HYKK: variants seen among roughly 807,000 people sequenced by gnomAD.
HYKK encodes the protein hydroxylysine kinase, also known as 5-hydroxy-L-lysine kinase.
HYKK carries 19 observed loss-of-function variants against 29.7 expected under a neutral mutation model. That is an observed-to-expected ratio of 0.64 (90% CI 0.45 to 0.94). The LOEUF (loss-of-function observed/expected upper bound fraction) is 0.94, where lower values mean the gene tolerates loss of function less well. Ranked by LOEUF, HYKK falls within the 40% of genes least tolerant of loss-of-function variation. The probability of loss-of-function intolerance (pLI) is 0.00; values close to 1 mark genes in which losing one functional copy is unlikely to be tolerated. For synonymous variants in HYKK, 152 were observed against 158.1 expected, an observed-to-expected ratio of 0.96 and a Z score of 0.29; for missense variants, 390 against 443.4, an observed-to-expected ratio of 0.88 and a Z score of 1.08.
chr15:78,524,461 C>T (rs892826119), intron 3 of HYKK, among the ~76,000 whole-genome samples: 2 of 152,226 alleles, frequency 1.3e-5, no homozygotes, highest in Non-Finnish European at 2.9e-5. Flanking sequence ...CCATCTTGTC[C>T]TCCTAACCCT....
At chr15:78,523,180 C>T (rs1017150716) in intron 3 of HYKK, among the ~76,000 whole-genome samples, 2 of 152,176 alleles carry the variant, frequency 1.3e-5, no homozygotes, top group East Asian at 1.9e-4. Flanking sequence ...GTTTAATTGG[C>T]GCATGCTTCT....
In HYKK at chr15:78,527,571, T is replaced by A; in HGVS notation, c.661+8T>A. On this transcript the variant is annotated splice_region_variant and intron_variant, in intron 4 of 4. Coordinates refer to ENST00000388988, the MANE Select transcript of HYKK (RefSeq NM_001013619.4). The stretch of plus-strand genomic sequence containing the variant: ...TAAGTCATTTTCGAGAATGTGAGTA[T>A]TCTCCCAATTAAGTATTTTTCTTGA... 1 of 1,612,180 alleles carries A rather than the reference T, an allele frequency of 6.2e-7. No individual in the cohort carries two copies. The highest frequency in any genetic ancestry group is 8.5e-7 in the Non-Finnish European group (1 of 1,178,460).
chr15:78,523,150 G>T (rs1258400668), intron 3 of HYKK, among the ~76,000 whole-genome samples: 1 of 152,172 alleles, frequency 6.6e-6, no homozygotes, highest in Non-Finnish European at 1.5e-5. Context: ...CTGAGACTGG[G>T]TAATCTATAA....
Position 78,533,888 on chromosome 15 carries a change from TGTGA to T in HYKK, c.*221_*224del. The T allele has an allele frequency of 3.5e-6, 2 of 563,950 alleles. No homozygotes were observed. Among genetic ancestry groups the T allele is most frequent in the Non-Finnish European group, 6.3e-6 (2 of 319,956 alleles). 34.9% of individuals were successfully genotyped at this position (563,950 alleles called of 1,614,324 possible). A position where few individuals can be genotyped will look rare whatever the true frequency, so the allele number is the denominator to read the frequency against. ...AGTACCACAAGCAAGCATATTTTTC[TGTGA>T]GTCTTACTTGCCATATCTATAAAAC... On this transcript the variant is annotated 3_prime_UTR_variant, in exon 5 of 5. Coordinates refer to ENST00000388988, the MANE Select transcript of HYKK (RefSeq NM_001013619.4).
At chr15:78,518,427 G>A (rs1200379582) in intron 3 of HYKK, among the ~76,000 whole-genome samples, 2 of 152,016 alleles carry the variant, frequency 1.3e-5, no homozygotes, top group East Asian at 3.9e-4. Context: ...CACCCACCTT[G>A]GCTTCCCAAA....
chr15:78,527,516 A>G lies in HYKK; in HGVS notation c.614A>G (p.His205Arg), dbSNP rs772863514. 1.1e-5 allele frequency: 18 copies of G among 1,614,170 alleles called. No individual in the cohort carries two copies. The highest frequency in any genetic ancestry group is 2.2e-5 in the East Asian group (1 of 44,882). The part of the protein sequence containing the change: ...RNREIVEHVI[H>R]LFKEEVMTKL... ...CGAGAGATTGTTGAGCATGTCATTC[A>G]TCTGTTCAAGGAGGAAGTAATGACC... The change falls in exon 4 of 5, where the codon CAT (histidine) becomes CGT (arginine). Residue 205 changes from histidine to arginine, a missense_variant. His to Arg is a conservative substitution (Grantham distance 29). Coordinates refer to ENST00000388988, the MANE Select transcript of HYKK (RefSeq NM_001013619.4).
At chr15:78,530,423 TATG>T (rs2141364328) in intron 4 of HYKK, among the ~76,000 whole-genome samples, 1 of 152,244 alleles carries the variant, frequency 6.6e-6, no homozygotes, top group South Asian at 2.1e-4. Flanking sequence ...TTCCCCAAAA[TATG>T]ATGAACTTTT....
intron 4 of HYKK, among the ~76,000 whole-genome samples, chr15:78,532,052 G>C (rs765180098): frequency 3.7e-4 from 56 of 152,108 alleles, no homozygotes; most frequent in Non-Finnish European, 7.3e-4. Context: ...ATATGACTCA[G>C]GGCTTCATTG....
rs148499257 is a variant in HYKK at position 78,518,484 on chromosome 15, G to C, written c.477+3377G>C. On this transcript the variant is annotated intron_variant, in intron 3 of 4. Coordinates refer to ENST00000388988, the MANE Select transcript of HYKK (RefSeq NM_001013619.4). Reference sequence around the variant, plus strand: ...GCCACCACACCTGGGCCCCTTGTTTGTTTTCATTCTCTCAGGGATCACTGT... The same window carrying C: ...GCCACCACACCTGGGCCCCTTGTTTCTTTTCATTCTCTCAGGGATCACTGT... The C allele has an allele frequency of 3.4e-5, 14 of 412,302 alleles. No individual in the cohort carries two copies. In the Admixed American group the frequency reaches 3.7e-4, roughly 11 times the overall value. The allele number at this position is 412,302 out of a possible 1,614,324, so 25.5% of individuals were successfully genotyped here.
chr15:78,512,400 CT>C (rs902963099), intron 1 of HYKK, among the ~76,000 whole-genome samples: 176 of 125,674 alleles, frequency 1.4e-3, no homozygotes, highest in Middle Eastern at 4.3e-3. Flanking sequence ...TTTTCTTTTT[CT>C]TTTTTTTTTT....
rs1353480288 is a variant in HYKK at position 78,533,521 on chromosome 15, C to T, written c.973C>T (p.Gln325Ter). The T allele has an allele frequency of 1.9e-6, 3 of 1,614,194 alleles. No individual in the cohort carries two copies. The highest frequency in any genetic ancestry group is 1.7e-5 in the Admixed American group (1 of 60,030). The change falls in exon 5 of 5, where the codon CAG (glutamine) becomes TAG (stop). Residue 325 changes from glutamine (Q) to a stop codon, truncating the protein, a stop_gained. Transcript: ENST00000388988. LOFTEE classifies it high-confidence loss of function. ...ACTTGTCATGGCTGCATACTCTTGC[C>T]AGCTATACCCAGAGAACAAAGACTA... ...QSLVMAAYSCQLYPENKDYLM... is the reference protein window; with the variant it reads ...QSLVMAAYSC
At chr15:78,514,781 G>A (rs2052110767) in intron 2 of HYKK, among the ~76,000 whole-genome samples, 187 bp from the exon 3 acceptor site, 1 of 152,056 alleles carries the variant, frequency 6.6e-6, no homozygotes, top group South Asian at 2.1e-4. Flanking sequence ...ATAGAATCCT[G>A]CCGAGCTGTT....
rs141035399 is a variant in HYKK, at chr15:78,535,253, A to AATTTC, written c.*1594_*1598dup. ...TTCATTTTTCACTTCTTTGTCCCTCAATTTCATTTCATTTCTTTTTCTTTT... is the reference window on the plus strand; with the variant it reads ...TTCATTTTTCACTTCTTTGTCCCTCAATTTCATTTCATTTCATTTCTTTTTCTTTT... On this transcript the variant is annotated 3_prime_UTR_variant, in exon 5 of 5. Transcript: ENST00000388988. The AATTTC allele has an allele frequency of 0.89, 101,449 of 113,552 alleles. 46,060 individuals are homozygous for AATTTC. Among genetic ancestry groups the AATTTC allele is most frequent in the South Asian group, 0.97 (3,259 of 3,346 alleles). 7.0% of individuals were successfully genotyped at this position (113,552 alleles called of 1,614,324 possible).
intron 4 of HYKK, among the ~76,000 whole-genome samples, chr15:78,530,606 G>A (rs573105267): frequency 6.6e-6 from 1 of 152,228 alleles, no homozygotes; most frequent in Non-Finnish European, 1.5e-5. Flanking sequence ...TGTGGCTAGT[G>A]CTACTAAGGA....
At chr15:78,513,737 TTTTG>T (rs1313468564) in intron 2 of HYKK, among the ~76,000 whole-genome samples, 1 of 152,084 alleles carries the variant, frequency 6.6e-6, no homozygotes, top group African/African-American at 2.4e-5. Flanking sequence ...GGGGAATATT[TTTTG>T]TTTGTTTCGT....
At chr15:78,511,735 A>T (rs2052075471) in intron 1 of HYKK, among the ~76,000 whole-genome samples, 1 of 151,996 alleles carries the variant, frequency 6.6e-6, no homozygotes, top group Admixed American at 6.6e-5. Context: ...AAAATAAAAA[A>T]AAAAAAATCA....
At chr15:78,523,376 G>C (rs1269697655) in intron 3 of HYKK, among the ~76,000 whole-genome samples, 1 of 152,098 alleles carries the variant, frequency 6.6e-6, no homozygotes, top group African/African-American at 2.4e-5. Context: ...ACTGTCATGA[G>C]AGCAGCCTCA....
chr15:78,507,945 G>A (rs1003265309), intron 1 of HYKK, among the ~76,000 whole-genome samples: 20 of 152,172 alleles, frequency 1.3e-4, no homozygotes, highest in Admixed American at 5.9e-4. Flanking sequence ...TCCCGGGTCT[G>A]TGTGGGGTCG....
At chr15:78,511,512 A>G (rs2052072609) in intron 1 of HYKK, among the ~76,000 whole-genome samples, 1 of 152,008 alleles carries the variant, frequency 6.6e-6, no homozygotes, top group African/African-American at 2.4e-5. Context: ...CAGATCACTT[A>G]AGCCCAGAAA....
Sources: allele counts gnomAD v4.1 joint callset (sites outside exome capture counted in the v4.1 genomes callset), GRCh38; gene constraint gnomAD v4.1.1; transcripts MANE v1.5; gene names NCBI Gene and HGNC (gene_info 2026-07-23, HGNC 2026-07-21).